WWOX: variants seen among roughly 807,000 people sequenced by gnomAD.
The protein encoded by WWOX is WW domain containing oxidoreductase, also known as WW domain-containing oxidoreductase.
A neutral mutation model predicts 46.2 loss-of-function variants in WWOX; 69 were observed. The ratio of observed to expected loss-of-function variants is 1.49; its 90% confidence interval spans 1.23 to 1.82. The LOEUF (loss-of-function observed/expected upper bound fraction) is 1.82, where lower values mean the gene tolerates loss of function less well. Ranked by LOEUF, WWOX falls within the 40% of genes most tolerant of loss-of-function variation. WWOX has a pLI of 0.00. For missense variants in WWOX, 919 were observed against 542.6 expected, an observed-to-expected ratio of 1.69 and a Z score of -6.89; for synonymous variants, 359 against 202.6, an observed-to-expected ratio of 1.77 and a Z score of -6.56.
intron 8 of WWOX, among the ~76,000 whole-genome samples, chr16:78,776,818 C>A (rs898380100): frequency 2.0e-5 from 3 of 152,056 alleles, no homozygotes; most frequent in African/African-American, 7.2e-5. Flanking sequence ...AGGAAACCAC[C>A]ACATATAAAA....
In WWOX at chr16:78,316,608, G is replaced by T. The variant is rs775764708; in HGVS notation, c.517-70252G>T. 6.6e-5 allele frequency among the ~76,000 whole-genome samples: 10 copies of T among 152,252 alleles called. No individual in the cohort carries two copies. In the East Asian group the frequency reaches 1.4e-3, roughly 21 times the overall value. ...TCTGCCCGTCTCGGCCTCCCAAAGT[G>T]CTGGGATTATAGGCCTGAGCCACGG... On this transcript the variant is annotated intron_variant, in intron 5 of 8. Coordinates refer to ENST00000566780, the MANE Select transcript of WWOX (RefSeq NM_016373.4).
rs557757544 is a variant in WWOX at position 78,792,700 on chromosome 16, G to A, written c.1056+359948G>A. Among the ~76,000 whole-genome samples, 105 of 152,276 alleles carry A rather than the reference G, an allele frequency of 6.9e-4. 1 individual carries two copies. The highest frequency in any genetic ancestry group is 2.5e-3 in the African/African-American group (102 of 41,552). ...ACAATGGATAGAGCTTACTATACAAGTCTATAGAGGCATCTCACCTGTAGA... is the reference window on the plus strand; with the variant it reads ...ACAATGGATAGAGCTTACTATACAAATCTATAGAGGCATCTCACCTGTAGA... On this transcript the variant is annotated intron_variant, in intron 8 of 8. Coordinates refer to ENST00000566780, the MANE Select transcript of WWOX (RefSeq NM_016373.4).
At chr16:78,921,772 G>T (rs2045384951) in intron 8 of WWOX, among the ~76,000 whole-genome samples, 1 of 152,178 alleles carries the variant, frequency 6.6e-6, no homozygotes, top group Non-Finnish European at 1.5e-5. Context: ...AAGTTAGAAG[G>T]CATGATGCCC....
chr16:78,831,679 A>G (rs942129436), intron 8 of WWOX, among the ~76,000 whole-genome samples: 8 of 152,194 alleles, frequency 5.3e-5, no homozygotes, highest in Non-Finnish European at 1.2e-4. Flanking sequence ...ATTTCCATTG[A>G]GAAGAAGAAA....
chr16:78,347,965 A>C lies in WWOX; in HGVS notation c.517-38895A>C, dbSNP rs1167027007. Among the ~76,000 whole-genome samples, 2 of 122,952 alleles carry C rather than the reference A, an allele frequency of 1.6e-5. 1 individual carries two copies. Among genetic ancestry groups the C allele is most frequent in the Non-Finnish European group, 3.9e-5 (2 of 51,202 alleles). 80.7% of individuals were successfully genotyped at this position (122,952 alleles called of 152,430 possible). A position where few individuals can be genotyped will look rare whatever the true frequency, so the allele number is the denominator to read the frequency against. ...GGTATGAAGGCTCGCCTGAAAGGCCAAGAGTAAGATTCTTTTAAAATCATG... is the reference window on the plus strand; with the variant it reads ...GGTATGAAGGCTCGCCTGAAAGGCCCAGAGTAAGATTCTTTTAAAATCATG... On this transcript the variant is annotated intron_variant, in intron 5 of 8. Transcript: ENST00000566780.
At chr16:78,808,485 A>G (rs2051101480) in intron 8 of WWOX, among the ~76,000 whole-genome samples, 1 of 152,200 alleles carries the variant, frequency 6.6e-6, no homozygotes, top group Admixed American at 6.5e-5. Context: ...ATCATTACAT[A>G]TTTACTAATT....
At chr16:78,118,959 C>G (rs1174624227) in intron 4 of WWOX, 13 of 152,140 alleles carry the variant, frequency 8.5e-5, no homozygotes, top group African/African-American at 3.1e-4. Flanking sequence ...AACCAGCTTT[C>G]TGAACCTGAA....
At chr16:78,994,117 A>G (rs937305494) in intron 8 of WWOX, among the ~76,000 whole-genome samples, 2 of 152,212 alleles carry the variant, frequency 1.3e-5, no homozygotes, top group African/African-American at 4.8e-5. Flanking sequence ...TTACCTGTCA[A>G]CATTGGATAA....
intron 5 of WWOX, among the ~76,000 whole-genome samples, chr16:78,355,317 A>G (rs1250535795): frequency 6.6e-6 from 1 of 152,116 alleles, no homozygotes; most frequent in Non-Finnish European, 1.5e-5. Context: ...AAATGCGTGT[A>G]TGGTGCTGGG....
chr16:79,004,493 C>T (rs1364510933), intron 8 of WWOX: 1 of 152,286 alleles, frequency 6.6e-6, no homozygotes, highest in Non-Finnish European at 1.5e-5. Context: ...TGTCAACCAG[C>T]TTTGCTGGTT....
intron 8 of WWOX, among the ~76,000 whole-genome samples, chr16:78,608,345 C>T (rs2045814388): frequency 6.6e-6 from 1 of 152,128 alleles, no homozygotes; most frequent in Non-Finnish European, 1.5e-5. Flanking sequence ...CTTTCAAAGC[C>T]CTTACCATTT....
chr16:79,159,640 C>G (rs1318709573), intron 8 of WWOX, among the ~76,000 whole-genome samples: 1 of 152,196 alleles, frequency 6.6e-6, no homozygotes, highest in Non-Finnish European at 1.5e-5. Context: ...CTCCCCGTGT[C>G]CCCTTGCAGG....
rs559439706 is a variant in WWOX at position 78,320,307 on chromosome 16, G to GT, written c.517-66547dup. Among the ~76,000 whole-genome samples the GT allele has an allele frequency of 3.8e-3, 576 of 152,220 alleles. 6 individuals are homozygous for GT. The highest frequency in any genetic ancestry group is 0.013 in the African/African-American group (545 of 41,536). The stretch of plus-strand genomic sequence containing the variant: ...ACCTGCATTTACTCAACAGACTTTT[G>GT]TTTTTTATCCCCTTCGGTGTAGGTT... On this transcript the variant is annotated intron_variant, in intron 5 of 8. Transcript: ENST00000566780.
intron 5 of WWOX, among the ~76,000 whole-genome samples, chr16:78,244,415 T>G: frequency 6.6e-6 from 1 of 152,200 alleles, no homozygotes; most frequent in Non-Finnish European, 1.5e-5. Context: ...AATTTGAGAC[T>G]GTGAGAGGCT....
chr16:78,591,993 A>G (rs538873060), intron 8 of WWOX, among the ~76,000 whole-genome samples: 1 of 152,302 alleles, frequency 6.6e-6, no homozygotes, highest in Non-Finnish European at 1.5e-5. Context: ...ATTTCAATAG[A>G]TATCCAGATT....
chr16:79,089,056 T>C (rs1396728214), intron 8 of WWOX, among the ~76,000 whole-genome samples: 2 of 152,190 alleles, frequency 1.3e-5, no homozygotes, highest in Non-Finnish European at 2.9e-5. Flanking sequence ...GGCCCTTTGG[T>C]GTCTTTTCTG....
At chr16:78,552,606 C>T (rs2044200138) in intron 8 of WWOX, 1 of 152,310 alleles carries the variant, frequency 6.6e-6, no homozygotes, top group Admixed American at 6.5e-5. Context: ...AACGAGAGCT[C>T]ATACGGCATC....
chr16:78,541,631 T>G (rs1295866744), intron 8 of WWOX, among the ~76,000 whole-genome samples: 1 of 152,062 alleles, frequency 6.6e-6, no homozygotes, highest in Non-Finnish European at 1.5e-5. Context: ...CAGACAGACC[T>G]GGGATCAAAT....
chr16:78,838,401 A>C (rs2052048889), intron 8 of WWOX, among the ~76,000 whole-genome samples: 1 of 152,212 alleles, frequency 6.6e-6, no homozygotes, highest in South Asian at 2.1e-4. Flanking sequence ...GTTGCATCTT[A>C]AAATGTTGAG....
Sources: gnomAD v4.1 joint callset for allele counts (sites outside exome capture counted in the v4.1 genomes callset) on GRCh38, gnomAD v4.1.1 for gene constraint, MANE v1.5 for transcripts, NCBI Gene and HGNC (gene_info 2026-07-23, HGNC 2026-07-21) for gene names.